MAGI2: variants seen among roughly 807,000 people sequenced by gnomAD.
MAGI2 encodes membrane-associated guanylate kinase, WW and PDZ domain-containing protein 2.
MAGI2 carries 35 observed loss-of-function variants against 133.3 expected under a neutral mutation model. The ratio of observed to expected loss-of-function variants is 0.26; its 90% CI spans 0.20 to 0.35. The LOEUF is 0.35. Among genes scored for constraint, MAGI2 ranks in the 10% least tolerant of loss-of-function variants. The probability of loss-of-function intolerance (pLI) is 1.00; values close to 1 mark genes in which losing one functional copy is unlikely to be tolerated. For missense variants in MAGI2, 1,636 were observed against 1,863.4 expected, an observed-to-expected ratio of 0.88 and a Z score of 2.25; for synonymous variants, 729 against 710.6, an observed-to-expected ratio of 1.03 and a Z score of -0.41.
intron 1 of MAGI2, among the ~76,000 whole-genome samples, chr7:79,053,003 T>C (rs1812814494): frequency 6.6e-6 from 1 of 152,132 alleles, no homozygotes; most frequent in South Asian, 2.1e-4. Flanking sequence ...CTACTCTATC[T>C]CACTCTGTCG....
intron 9 of MAGI2, among the ~76,000 whole-genome samples, chr7:78,312,845 G>GTA (rs921925651): frequency 2.6e-5 from 4 of 151,022 alleles, no homozygotes; most frequent in East Asian, 1.9e-4. Flanking sequence ...CATATATATT[G>GTA]TATATATATA....
chr7:78,964,334 A>G (rs1050507540), intron 2 of MAGI2, among the ~76,000 whole-genome samples: 17 of 152,128 alleles, frequency 1.1e-4, no homozygotes, highest in Middle Eastern at 3.4e-3. Context: ...ATACTTTTAG[A>G]AGCTTAGCTT....
At chr7:78,074,970 T>TGCCTGGA (rs1815120313) in intron 21 of MAGI2, among the ~76,000 whole-genome samples, 1 of 152,198 alleles carries the variant, frequency 6.6e-6, no homozygotes, top group Non-Finnish European at 1.5e-5. Flanking sequence ...TGGTGCCTGG[T>TGCCTGGA]GCCTGGAAAT....
intron 21 of MAGI2, among the ~76,000 whole-genome samples, chr7:78,045,292 T>C (rs1029095274): frequency 7.2e-5 from 11 of 152,214 alleles, no homozygotes; most frequent in Non-Finnish European, 1.2e-4. Flanking sequence ...TAATGATCTT[T>C]GGTTGGGGTC....
chr7:78,863,200 G>T (rs1270152810), intron 2 of MAGI2, among the ~76,000 whole-genome samples: 1 of 152,250 alleles, frequency 6.6e-6, no homozygotes, highest in Non-Finnish European at 1.5e-5. Flanking sequence ...AGAGGCAATG[G>T]AGGGAAGGCC....
chr7:78,536,930 C>T (rs1268013998), intron 3 of MAGI2, among the ~76,000 whole-genome samples: 1 of 151,852 alleles, frequency 6.6e-6, no homozygotes, highest in East Asian at 1.9e-4. Flanking sequence ...GTACTCTGTA[C>T]CCAATGTGTA....
At chr7:78,901,050 G>A (rs1219301896) in intron 2 of MAGI2, among the ~76,000 whole-genome samples, 3 of 152,120 alleles carry the variant, frequency 2.0e-5, no homozygotes, top group African/African-American at 7.2e-5. Context: ...TTAGGAGCAT[G>A]GATAGATCAG....
At position 78,640,780 on chromosome 7, in the gene MAGI2, C is replaced by T. The variant is rs535743173; in HGVS notation, c.419-13541G>A. On this transcript the variant is annotated intron_variant, in intron 2 of 21. Transcript: ENST00000354212. Reference sequence around the variant, plus strand: ...CTGCCTAAAAGAAGGGGCAGAGCATCCTGTATTTGAAAAAACTAGAAAGGC... The same window carrying T: ...CTGCCTAAAAGAAGGGGCAGAGCATTCTGTATTTGAAAAAACTAGAAAGGC... Among the ~76,000 whole-genome samples the T allele has an allele frequency of 2.6e-5, 4 of 152,316 alleles. No individual in the cohort carries two copies. The East Asian group carries it at 5.8e-4, about 22-fold the overall frequency.
chr7:79,127,310 T>A (rs967209476), intron 1 of MAGI2, among the ~76,000 whole-genome samples: 1 of 152,190 alleles, frequency 6.6e-6, no homozygotes, highest in African/African-American at 2.4e-5. Context: ...TTTGGATATA[T>A]ACCCAGTAAT....
At chr7:78,067,923 G>T (rs1039400150) in intron 21 of MAGI2, among the ~76,000 whole-genome samples, 3 of 152,322 alleles carry the variant, frequency 2.0e-5, no homozygotes, top group Middle Eastern at 3.4e-3. Context: ...GGGTGGGTGT[G>T]GAGGGAATGG....
chr7:79,032,221 T>C (rs1810655196), intron 1 of MAGI2, among the ~76,000 whole-genome samples: 1 of 152,084 alleles, frequency 6.6e-6, no homozygotes. Flanking sequence ...CTTCGATCAA[T>C]ATAAGACCAC....
intron 1 of MAGI2, among the ~76,000 whole-genome samples, chr7:79,163,040 A>G (rs1449949828): frequency 1.3e-5 from 2 of 152,102 alleles, no homozygotes; most frequent in African/African-American, 4.8e-5. Flanking sequence ...ACAAAACAAA[A>G]AAAACACTGT....
rs1352884526 is a variant in MAGI2, at chr7:79,118,311, G to A, written c.302-111105C>T. ...CATCTTCCTTGTAAATGGAGCACTC[G>A]ACTCTAGAAATAATGTAGTACAAGA... On this transcript the variant is annotated intron_variant, in intron 1 of 21. Transcript: ENST00000354212. Among the ~76,000 whole-genome samples the A allele has an allele frequency of 3.9e-5, 6 of 152,232 alleles. 1 individual carries two copies. The East Asian group carries it at 7.7e-4, about 20-fold the overall frequency.
At chr7:79,243,089 G>T (rs752841588) in intron 1 of MAGI2, among the ~76,000 whole-genome samples, 1 of 151,906 alleles carries the variant, frequency 6.6e-6, no homozygotes, top group South Asian at 2.1e-4. Context: ...GGTTGTGCAC[G>T]CCTGTAATCC....
intron 3 of MAGI2, among the ~76,000 whole-genome samples, chr7:78,534,211 T>G (rs1169349295): frequency 6.6e-6 from 1 of 152,006 alleles, no homozygotes; most frequent in Non-Finnish European, 1.5e-5. Context: ...AAAGGTCAAG[T>G]GGTGGTGTTT....
At chr7:78,030,838 A>C (rs1182461842) in intron 21 of MAGI2, among the ~76,000 whole-genome samples, 1 of 152,244 alleles carries the variant, frequency 6.6e-6, no homozygotes, top group African/African-American at 2.4e-5. Flanking sequence ...TTAAACATTT[A>C]GTTAACATCT....
intron 1 of MAGI2, among the ~76,000 whole-genome samples, chr7:79,299,676 A>C (rs1339049896): frequency 6.6e-6 from 1 of 152,020 alleles, no homozygotes; most frequent in Non-Finnish European, 1.5e-5. Flanking sequence ...CACTAAAAAA[A>C]CACAAAAAAC....
intron 3 of MAGI2, among the ~76,000 whole-genome samples, chr7:78,525,742 T>A (rs1000042709): frequency 2.6e-5 from 4 of 152,302 alleles, no homozygotes. Context: ...TTAAATCAAT[T>A]CAGTTAAAGT....
At chr7:78,573,724 A>C (rs1199079952) in intron 3 of MAGI2, among the ~76,000 whole-genome samples, 5 of 151,888 alleles carry the variant, frequency 3.3e-5, no homozygotes, top group African/African-American at 1.2e-4. Context: ...TGATTGTATG[A>C]TCTGTGCGAG....
Sources: gnomAD v4.1 joint callset for allele counts (sites outside exome capture counted in the v4.1 genomes callset) on GRCh38, gnomAD v4.1.1 for gene constraint, MANE v1.5 for transcripts, NCBI Gene and HGNC (gene_info 2026-07-23, HGNC 2026-07-21) for gene names.